Variants in HK2 observed in about 807,000 individuals in gnomAD.
The protein encoded by HK2 is hexokinase-2.
A neutral mutation model predicts 92.9 loss-of-function variants in HK2; 42 were observed. The observed-to-expected ratio is 0.45, with a 90% CI of 0.35 to 0.58. The LOEUF is 0.58. Ranked by LOEUF, HK2 falls within the 20% of genes least tolerant of loss-of-function variation. HK2 has a pLI of 0.00. For synonymous variants in HK2, 422 were observed against 468.0 expected (o/e 0.90, Z 1.27); for missense variants, 978 against 1,245.1 (o/e 0.79, Z 3.23).
At chr2:74,856,569 C>T (rs1426172566) in intron 2 of HK2, among the ~76,000 whole-genome samples, 2 of 152,202 alleles carry the variant, frequency 1.3e-5, no homozygotes, top group Non-Finnish European at 2.9e-5. Context: ...TCACCCAGCA[C>T]TAACACTAAG....
rs1164037497 is a variant in HK2 at position 74,886,633 on chromosome 2, G to A, written c.2179G>A (p.Val727Met). The change falls in exon 15 of 18, where the codon GTG becomes ATG. Residue 727 changes from valine (V) to methionine (M), a missense_variant. Val to Met is a conservative substitution (Grantham distance 21). Coordinates refer to ENST00000290573, the MANE Select transcript of HK2 (RefSeq NM_000189.5). ...AGATGACTTCCGCACAGAATTTGATGTGGCTGTGGATGAGCTTTCACTCAA... is the reference window on the plus strand; with the variant it reads ...AGATGACTTCCGCACAGAATTTGATATGGCTGTGGATGAGCTTTCACTCAA... ...CLDDFRTEFDVAVDELSLNPG... is the reference protein window; with the variant it reads ...CLDDFRTEFDMAVDELSLNPG... The A allele has an allele frequency of 5.0e-6, 8 of 1,613,936 alleles. No homozygotes were observed. Among genetic ancestry groups the A allele is most frequent in the South Asian group, 4.4e-5 (4 of 91,072 alleles).
chr2:74,842,486 C>G (rs1458327832), intron 1 of HK2, among the ~76,000 whole-genome samples: 3 of 152,196 alleles, frequency 2.0e-5, no homozygotes, highest in Non-Finnish European at 4.4e-5. Flanking sequence ...TAGGGAGAGA[C>G]ACAGTCTTAG....
intron 2 of HK2, among the ~76,000 whole-genome samples, chr2:74,864,823 T>C (rs72910520): frequency 0.017 from 2,578 of 152,360 alleles, 81 homozygotes; most frequent in African/African-American, 0.059. Context: ...TTTCTATATG[T>C]TCACATACAA....
chr2:74,867,932 C>T, intron 3 of HK2, 148 bp downstream of exon 3: 1 of 876,564 alleles, frequency 1.1e-6, no homozygotes, highest in Non-Finnish European at 1.9e-6. Flanking sequence ...GGCTCCCTCT[C>T]AGCCGGAGCT....
At chr2:74,837,952 G>C (rs940602754) in intron 1 of HK2, among the ~76,000 whole-genome samples, 4 of 152,166 alleles carry the variant, frequency 2.6e-5, no homozygotes, top group Non-Finnish European at 5.9e-5. Flanking sequence ...GGGATTACAG[G>C]CGTGAGCCAC....
chr2:74,878,949 G>A, intron 9 of HK2, 28 bp downstream of exon 9: 1 of 1,530,792 alleles, frequency 6.5e-7, no homozygotes, highest in Non-Finnish European at 8.9e-7. Flanking sequence ...GCCTGGAGAT[G>A]CGGAGTTCCT....
rs1339844515 is a variant in HK2, at chr2:74,880,321, G to A, written c.1322G>A (p.Arg441His). Reference sequence around the variant, plus strand: ...CGGCTGGTGCCCGGCTGCGATGTCCGCTTCCTCCGCTCCGAGGATGGCAGT... The same window carrying A: ...CGGCTGGTGCCCGGCTGCGATGTCCACTTCCTCCGCTCCGAGGATGGCAGT... ...VRRLVPGCDV[R>H]FLRSEDGSGK... is the part of the protein sequence containing the mutation. Residue 441 changes from arginine (R) to histidine (H), a missense_variant, in exon 10 of 18, where the codon CGC becomes CAC. By Grantham distance (29) the Arg-to-His change is conservative (BLOSUM62 0). Around this residue, in one of 3 missense-constraint regions of HK2, gnomAD observed 742 missense variants for 922.5 expected, o/e 0.80. Transcript: ENST00000290573. 22 of 1,614,050 alleles carry A rather than the reference G, an allele frequency of 1.4e-5. No homozygotes were observed. Among genetic ancestry groups the A allele is most frequent in the Non-Finnish European group, 1.8e-5 (21 of 1,180,042 alleles).
chr2:74,834,771 G>T lies in HK2; in HGVS notation c.63+128G>T. ...CGGGCCTGGGAGCGGAAAAAGTTTG[G>T]GCAGCCGGGACACTCCTGGGCGCCA... On this transcript the variant is annotated intron_variant, in intron 1 of 17. Transcript: ENST00000290573. The surrounding 1 kb of genome is among the most constrained non-coding windows in gnomAD (Gnocchi z 4.2). 1.9e-6 allele frequency: 2 copies of T among 1,030,420 alleles called. No individual in the cohort carries two copies. The highest frequency in any genetic ancestry group is 3.0e-6 in the Non-Finnish European group (2 of 669,292). The allele number at this position is 1,030,420 out of a possible 1,614,324, so 63.8% of individuals were successfully genotyped here.
intron 2 of HK2, among the ~76,000 whole-genome samples, chr2:74,855,295 G>A (rs192437242): frequency 2.8e-4 from 43 of 152,234 alleles, no homozygotes; most frequent in African/African-American, 9.9e-4. Flanking sequence ...CTGCCACAGT[G>A]CATATTAAGG....
intron 6 of HK2, 109 bp from the exon 7 acceptor site, chr2:74,874,157 G>A: frequency 7.1e-7 from 1 of 1,412,166 alleles, no homozygotes; most frequent in Non-Finnish European, 1.0e-6. Context: ...TCTGCAGTGA[G>A]AAATCCCAGC....
rs749990953 is a variant in HK2, at chr2:74,882,236, CG to C, written c.1837del (p.Glu613ArgfsTer22). On this transcript the variant is annotated frameshift_variant and splice_region_variant, in exon 12 of 18. Transcript: ENST00000290573. LOFTEE classifies it high-confidence loss of function. ...SFPCQQNSLDESILLKWTKGF... is the reference protein window; with the variant it reads ...SFPCQQNSLDXSILLKWTKGF... ...TCCCCTGCCAGCAGAACAGCCTGGA[CG>C]AGGTAACAGCACCTTCCTGGAGGGC... 1 of 1,613,970 alleles carries C rather than the reference CG, an allele frequency of 6.2e-7. No individual in the cohort carries two copies. Among genetic ancestry groups the C allele is most frequent in the Admixed American group, 1.7e-5 (1 of 60,020 alleles).
At chr2:74,864,818 A>G (rs529431158) in intron 2 of HK2, among the ~76,000 whole-genome samples, 17 of 152,286 alleles carry the variant, frequency 1.1e-4, no homozygotes, top group African/African-American at 3.4e-4. Flanking sequence ...GTGTGTTTCT[A>G]TATGTTCACA....
At chr2:74,846,308 T>C (rs1410588140) in intron 1 of HK2, among the ~76,000 whole-genome samples, 1 of 103,346 alleles carries the variant, frequency 9.7e-6, no homozygotes, top group Non-Finnish European at 2.0e-5. Context: ...GCCAAGTCAG[T>C]GCAACCTGCC....
At chr2:74,874,026 T>A (rs1689164212) in intron 6 of HK2, 83 bp downstream of exon 6, 2 of 1,109,264 alleles carry the variant, frequency 1.8e-6, no homozygotes, top group Non-Finnish European at 2.7e-6. Flanking sequence ...GCCCATGGGC[T>A]GGGTGTTCCT....
chr2:74,872,519 G>A, intron 4 of HK2, 100 bp downstream of exon 4: 2 of 1,318,664 alleles, frequency 1.5e-6, no homozygotes, highest in East Asian at 6.4e-5. Flanking sequence ...GGTAGCACTG[G>A]AGGATTGTGG....
rs968032953 is a variant in HK2, at chr2:74,892,427, G to C, written c.*1486G>C. The C allele has an allele frequency of 1.3e-5, 2 of 152,126 alleles. No homozygotes were observed. The highest frequency in any genetic ancestry group is 2.9e-5 in the Non-Finnish European group (2 of 68,030). The allele number at this position is 152,126 out of a possible 1,614,324, so 9.4% of individuals were successfully genotyped here. ...GCTTCCCTAGGCTGAGCTGGCATTG[G>C]TCTGCTGACCTGTTTTTGTGTTTTT... is the stretch of plus-strand genomic sequence containing the variant. On this transcript the variant is annotated 3_prime_UTR_variant, in exon 18 of 18. Coordinates refer to ENST00000290573, the MANE Select transcript of HK2 (RefSeq NM_000189.5).
At chr2:74,873,215 G>A (rs139370655) in intron 4 of HK2, 61 bp from the exon 5 acceptor site, 1 of 1,203,906 alleles carries the variant, frequency 8.3e-7, no homozygotes, top group East Asian at 2.3e-5. Context: ...AGGTTTGAGG[G>A]GTGTGGTGTG....
At chr2:74,874,526 T>C (rs952516347) in intron 7 of HK2, 77 bp downstream of exon 7, 1 of 1,411,616 alleles carries the variant, frequency 7.1e-7, no homozygotes, top group East Asian at 2.5e-5. Flanking sequence ...GGCCAGGGGG[T>C]TGTTTCTTTA....
chr2:74,884,905 C>T (rs931581176), intron 12 of HK2, among the ~76,000 whole-genome samples: 1 of 152,230 alleles, frequency 6.6e-6, no homozygotes, highest in African/African-American at 2.4e-5. Context: ...TTGTTTTCCT[C>T]ACTGAAAGAC....
Sources: gnomAD v4.1 joint callset for allele counts (sites outside exome capture counted in the v4.1 genomes callset) on GRCh38, gnomAD v4.1.1 for gene constraint, gnomAD v4.1.1 regional missense constraint, Gnocchi (gnomAD v3.1) non-coding constraint, MANE v1.5 for transcripts, NCBI Gene and HGNC (gene_info 2026-07-23, HGNC 2026-07-21) for gene names.